The following KDSR variants were observed in gnomAD, a reference collection of about 807,000 sequenced individuals.
The protein encoded by KDSR is 3-ketodihydrosphingosine reductase.
A neutral mutation model predicts 41.3 loss-of-function variants in KDSR; 23 were observed. The observed-to-expected ratio is 0.56, with a 90% CI of 0.40 to 0.79. The LOEUF (loss-of-function observed/expected upper bound fraction) is 0.79, where lower values mean the gene tolerates loss of function less well. Ranked by LOEUF, KDSR falls within the 30% of genes least tolerant of loss-of-function variation. KDSR has a pLI of 0.00. For missense variants in KDSR, 351 were observed against 416.8 expected (o/e 0.84, Z 1.37); for synonymous variants, 138 against 151.7 (o/e 0.91, Z 0.66).
chr18:63,328,383 C>T lies in KDSR; in HGVS notation c.*3399G>A, dbSNP rs1200345188. Reference sequence around the variant, plus strand: ...TTTTTTTTTTTTTGAGACAGAGTCTCGCACTGTCACCTAGGCTGGAGTGCA... The same window carrying T: ...TTTTTTTTTTTTTGAGACAGAGTCTTGCACTGTCACCTAGGCTGGAGTGCA... On this transcript the variant is annotated 3_prime_UTR_variant, in exon 10 of 10. Coordinates refer to ENST00000645214, the MANE Select transcript of KDSR (RefSeq NM_002035.4). The T allele has an allele frequency of 3.2e-5, 5 of 156,120 alleles. No individual in the cohort carries two copies. The East Asian group carries it at 7.4e-4, about 23-fold the overall frequency. 9.7% of individuals were successfully genotyped at this position (156,120 alleles called of 1,614,324 possible).
intron 2 of KDSR, among the ~76,000 whole-genome samples, chr18:63,362,043 C>T (rs917122395): frequency 6.6e-6 from 1 of 152,134 alleles, no homozygotes; most frequent in Non-Finnish European, 1.5e-5. Context: ...CATCATTCCT[C>T]CCTTCATTTC....
At chr18:63,342,452 G>C (rs977637187) in intron 7 of KDSR, among the ~76,000 whole-genome samples, 1 of 152,170 alleles carries the variant, frequency 6.6e-6, no homozygotes, top group African/African-American at 2.4e-5. Context: ...AGAAATGTCT[G>C]AGGAAAAAAG....
chr18:63,338,757 T>C lies in KDSR; in HGVS notation c.777+43A>G, dbSNP rs777472509. On this transcript the variant is annotated intron_variant, in intron 8 of 9. Coordinates refer to ENST00000645214, the MANE Select transcript of KDSR (RefSeq NM_002035.4). ...GACAAATATCTTTTCAGAAATATAG[T>C]ACTACAAACACAAATAGTACAGAAA... is the stretch of plus-strand genomic sequence containing the variant. 1.5e-5 allele frequency: 18 copies of C among 1,202,474 alleles called. No homozygotes were observed. The East Asian group carries it at 1.6e-4, about 11-fold the overall frequency. The allele number at this position is 1,202,474 out of a possible 1,614,324, so 74.5% of individuals were successfully genotyped here. A position where few individuals can be genotyped will look rare whatever the true frequency, so the allele number is the denominator to read the frequency against.
chr18:63,348,146 A>T (rs1270694637), intron 6 of KDSR, among the ~76,000 whole-genome samples: 1 of 151,890 alleles, frequency 6.6e-6, no homozygotes, highest in Non-Finnish European at 1.5e-5. Context: ...AATAAATAAA[A>T]AATAAACAAA....
chr18:63,366,383 G>A (rs1416540925), intron 1 of KDSR: 1 of 152,500 alleles, frequency 6.6e-6, no homozygotes, highest in Non-Finnish European at 1.5e-5. Context: ...AAGCAGTGTA[G>A]ACGGGACAGG....
intron 2 of KDSR, among the ~76,000 whole-genome samples, chr18:63,361,069 T>C (rs1483957700): frequency 2.3e-4 from 23 of 98,030 alleles, no homozygotes; most frequent in African/African-American, 9.5e-4. Flanking sequence ...TGTAAATATA[T>C]ATACACACAC....
intron 1 of KDSR, among the ~76,000 whole-genome samples, chr18:63,363,529 T>C (rs1179828093): frequency 8.0e-5 from 12 of 150,630 alleles, no homozygotes; most frequent in Non-Finnish European, 1.6e-4. Flanking sequence ...ATTTCATCCA[T>C]GTCCCTACAA....
chr18:63,351,807 G>A (rs921175245), intron 5 of KDSR, among the ~76,000 whole-genome samples: 3 of 151,388 alleles, frequency 2.0e-5, no homozygotes, highest in South Asian at 2.1e-4. Flanking sequence ...TTTTAGAGAC[G>A]GGGTCTCACT....
In KDSR at chr18:63,335,266, C is replaced by A; in HGVS notation, c.870G>T (p.Gly290=). 2 of 1,610,792 alleles carry A rather than the reference C, an allele frequency of 1.2e-6. No individual in the cohort carries two copies. Among genetic ancestry groups the A allele is most frequent in the Non-Finnish European group, 1.7e-6 (2 of 1,177,062 alleles). ...GMAPVTSITE[G]LQQVVTMGLF... is the part of the protein sequence containing the mutation. ...CCTAGGCAGAGCTTACCTGCTGGAG[C>A]CCCTCAGTAATAGAAGTTACTGGAG... The change falls in exon 9 of 10, where the codon GGG becomes GGT. Residue 290 remains glycine, a synonymous_variant. Transcript: ENST00000645214.
At position 63,331,675 on chromosome 18, in the gene KDSR, G is replaced by A. The variant is rs929925060; in HGVS notation, c.*107C>T. 17 of 1,054,698 alleles carry A rather than the reference G, an allele frequency of 1.6e-5. No individual in the cohort carries two copies. In the East Asian group the frequency reaches 1.7e-4, roughly 10 times the overall value. 65.3% of individuals were successfully genotyped at this position (1,054,698 alleles called of 1,614,324 possible). On this transcript the variant is annotated 3_prime_UTR_variant, in exon 10 of 10. Coordinates refer to ENST00000645214, the MANE Select transcript of KDSR (RefSeq NM_002035.4). ...CTGAAGAGCACTGGTCCAATCTGAC[G>A]TATTCGAAAACAATACATAAGTGTC... is the stretch of plus-strand genomic sequence containing the variant.
chr18:63,339,941 AT>A (rs1224062232), intron 7 of KDSR, among the ~76,000 whole-genome samples: 1 of 152,264 alleles, frequency 6.6e-6, no homozygotes, highest in Non-Finnish European at 1.5e-5. Context: ...AAAGTAAAGT[AT>A]TTCATAAAGA....
At chr18:63,365,319 T>C (rs1232766448) in intron 1 of KDSR, among the ~76,000 whole-genome samples, 1 of 152,230 alleles carries the variant, frequency 6.6e-6, no homozygotes, top group Non-Finnish European at 1.5e-5. Context: ...CTTAATTATG[T>C]ATGGGCAGAC....
intron 3 of KDSR, among the ~76,000 whole-genome samples, chr18:63,358,718 G>A (rs1047870536): frequency 2.7e-5 from 4 of 150,910 alleles, no homozygotes; most frequent in Middle Eastern, 3.2e-3. Flanking sequence ...AGGAGGCTGA[G>A]GCAGGAGAAT....
At chr18:63,344,274 T>G in intron 7 of KDSR, 136 bp downstream of exon 7, 1 of 570,674 alleles carries the variant, frequency 1.8e-6, no homozygotes, top group Non-Finnish European at 3.2e-6. Flanking sequence ...AATCTCAAGG[T>G]CATCAGAAAC....
At chr18:63,359,353 G>A (rs1002890801) in intron 3 of KDSR, among the ~76,000 whole-genome samples, 9 of 151,894 alleles carry the variant, frequency 5.9e-5, no homozygotes, top group African/African-American at 1.9e-4. Flanking sequence ...ATGGGTGTGT[G>A]ATTATTAATT....
At chr18:63,347,495 C>CAAAAAAAAAAAA (rs36023779) in intron 6 of KDSR, among the ~76,000 whole-genome samples, 3 of 56,982 alleles carry the variant, frequency 5.3e-5, no homozygotes, top group Admixed American at 2.3e-4. Context: ...GACTCCATCT[C>CAAAAAAAAAAAA]AAAAAAAAAA....
At position 63,331,971 on chromosome 18, in the gene KDSR, A is replaced by G; in HGVS notation, c.880-70T>C. 3 of 1,503,966 alleles carry G rather than the reference A, an allele frequency of 2.0e-6. No homozygotes were observed. The South Asian group carries it at 3.7e-5, about 19-fold the overall frequency. 93.2% of individuals were successfully genotyped at this position (1,503,966 alleles called of 1,614,324 possible). The stretch of plus-strand genomic sequence containing the variant: ...ACTATTTCAAGGTACCTAGGTCTCT[A>G]ACAAACAGTTTCTAAGACAAATCTT... On this transcript the variant is annotated intron_variant, in intron 9 of 9. Transcript: ENST00000645214.
intron 6 of KDSR, chr18:63,346,407 G>C (rs989444495): frequency 6.6e-6 from 1 of 152,300 alleles, no homozygotes; most frequent in African/African-American, 2.4e-5. Context: ...TCCAACGAGT[G>C]GTCATTAGGC....
chr18:63,348,920 C>T (rs1316725811), intron 6 of KDSR, among the ~76,000 whole-genome samples: 3 of 152,186 alleles, frequency 2.0e-5, no homozygotes, highest in Non-Finnish European at 4.4e-5. Flanking sequence ...CTGGATGCAT[C>T]ATCTGCTGCA....
Sources: gnomAD v4.1 joint callset for allele counts (sites outside exome capture counted in the v4.1 genomes callset) on GRCh38, gnomAD v4.1.1 for gene constraint, MANE v1.5 for transcripts, NCBI Gene and HGNC (gene_info 2026-07-23, HGNC 2026-07-21) for gene names.